Variants in WWOX observed in about 807,000 individuals in gnomAD.
WWOX encodes the protein WW domain containing oxidoreductase.
WWOX carries 69 observed loss-of-function variants against 46.2 expected under a neutral mutation model. That is an observed-to-expected ratio of 1.49 (90% CI 1.23 to 1.82). WWOX has a LOEUF of 1.82. WWOX is among the 40% of genes most tolerant of loss of function. WWOX has a pLI of 0.00. For missense variants in WWOX, 919 were observed against 542.6 expected (o/e 1.69, Z -6.89); for synonymous variants, 359 against 202.6 (o/e 1.77, Z -6.56).
intron 8 of WWOX, among the ~76,000 whole-genome samples, chr16:78,978,307 CAT>C (rs2046613309): frequency 6.6e-6 from 1 of 152,180 alleles, no homozygotes. Context: ...TGAATAATTG[CAT>C]ATGAGTATTT....
chr16:79,036,938 G>T (rs1033193293), intron 8 of WWOX, among the ~76,000 whole-genome samples: 3 of 152,178 alleles, frequency 2.0e-5, no homozygotes, highest in Non-Finnish European at 2.9e-5. Flanking sequence ...GTATTTCTCA[G>T]TGTGTTATCT....
At chr16:79,053,071 T>C (rs945298293) in intron 8 of WWOX, among the ~76,000 whole-genome samples, 6 of 151,840 alleles carry the variant, frequency 4.0e-5, no homozygotes, top group Admixed American at 1.3e-4. Flanking sequence ...TGCTCTTAGT[T>C]AAAGACCATG....
At chr16:78,271,502 T>A (rs2079477693) in intron 5 of WWOX, among the ~76,000 whole-genome samples, 1 of 152,150 alleles carries the variant, frequency 6.6e-6, no homozygotes. Flanking sequence ...CACGAGAGCT[T>A]CACAGCTCAG....
At chr16:78,746,543 A>G (rs1473816248) in intron 8 of WWOX, among the ~76,000 whole-genome samples, 1 of 151,870 alleles carries the variant, frequency 6.6e-6, no homozygotes, top group African/African-American at 2.4e-5. Context: ...CCATGGCCTC[A>G]TGAGCAGTGA....
intron 8 of WWOX, among the ~76,000 whole-genome samples, chr16:78,502,092 T>C (rs1371355684): frequency 2.6e-5 from 4 of 152,198 alleles, no homozygotes; most frequent in Admixed American, 2.6e-4. Flanking sequence ...TTCTTTATAC[T>C]TGTCTTCCTT....
chr16:78,950,409 T>G (rs987799492), intron 8 of WWOX, among the ~76,000 whole-genome samples: 3 of 151,990 alleles, frequency 2.0e-5, no homozygotes, highest in Non-Finnish European at 4.4e-5. Context: ...GGAAGGGGCT[T>G]TTTTGCCTTG....
At chr16:78,319,908 C>G (rs956356161) in intron 5 of WWOX, among the ~76,000 whole-genome samples, 1 of 152,220 alleles carries the variant, frequency 6.6e-6, no homozygotes, top group African/African-American at 2.4e-5. Flanking sequence ...GTTTTCCTGG[C>G]GAAATAGTCA....
chr16:78,596,303 G>A (rs1010306092), intron 8 of WWOX, among the ~76,000 whole-genome samples: 1 of 152,228 alleles, frequency 6.6e-6, no homozygotes, highest in South Asian at 2.1e-4. Flanking sequence ...TGTCTGGCTG[G>A]GTTCTGCTAG....
intron 8 of WWOX, among the ~76,000 whole-genome samples, chr16:78,446,866 C>T (rs1216921135): frequency 2.0e-5 from 3 of 151,882 alleles, no homozygotes; most frequent in African/African-American, 7.3e-5. Flanking sequence ...TTGCCATGTT[C>T]ACCAGGCTGG....
chr16:79,186,709 C>T (rs2051022593), intron 8 of WWOX, among the ~76,000 whole-genome samples: 1 of 152,064 alleles, frequency 6.6e-6, no homozygotes, highest in Non-Finnish European at 1.5e-5. Flanking sequence ...GTAAACAGTA[C>T]AGTTGCCATA....
intron 8 of WWOX, among the ~76,000 whole-genome samples, chr16:78,696,244 C>T (rs116677155): frequency 3.5e-3 from 530 of 152,292 alleles, no homozygotes; most frequent in African/African-American, 0.012. Flanking sequence ...ATACTAATAC[C>T]TGCCTTCCTG....
intron 8 of WWOX, among the ~76,000 whole-genome samples, chr16:79,194,819 G>A (rs1441601644): frequency 6.6e-6 from 1 of 152,144 alleles, no homozygotes; most frequent in Non-Finnish European, 1.5e-5. Context: ...TGGAGAGAGT[G>A]CATACAAAAA....
chr16:78,502,660 C>T (rs1186939284), intron 8 of WWOX, among the ~76,000 whole-genome samples: 1 of 152,178 alleles, frequency 6.6e-6, no homozygotes, highest in Non-Finnish European at 1.5e-5. Flanking sequence ...TCAGCATGGA[C>T]TTCTGTTTTC....
chr16:79,029,954 T>C (rs560356640), intron 8 of WWOX, among the ~76,000 whole-genome samples: 9 of 152,360 alleles, frequency 5.9e-5, no homozygotes, highest in African/African-American at 1.9e-4. Context: ...TTGTGTTTTA[T>C]AATTTCTTGA....
intron 8 of WWOX, among the ~76,000 whole-genome samples, chr16:78,702,190 G>C (rs1355504434): frequency 6.8e-6 from 1 of 148,110 alleles, no homozygotes; most frequent in Non-Finnish European, 1.5e-5. Context: ...CGAGGCAGGA[G>C]AGTCACTTAA....
intron 1 of WWOX, among the ~76,000 whole-genome samples, chr16:78,107,495 G>A (rs963009201): frequency 6.6e-6 from 1 of 152,154 alleles, no homozygotes; most frequent in East Asian, 1.9e-4. Context: ...ACCAGTGCTA[G>A]GATTATTTCC....
intron 8 of WWOX, among the ~76,000 whole-genome samples, chr16:79,093,857 A>T (rs73575144): frequency 1.7e-3 from 257 of 152,232 alleles, no homozygotes; most frequent in African/African-American, 5.4e-3. Context: ...GAACCGAGTG[A>T]CTCAGCCCAG....
chr16:79,098,487 G>A (rs569489785), intron 8 of WWOX, among the ~76,000 whole-genome samples: 1 of 152,226 alleles, frequency 6.6e-6, no homozygotes, highest in Non-Finnish European at 1.5e-5. Context: ...AAGGTCATTG[G>A]AATCTTCTTC....
intron 5 of WWOX, among the ~76,000 whole-genome samples, chr16:78,341,427 C>A (rs1359964245): frequency 1.6e-5 from 2 of 121,392 alleles, no homozygotes; most frequent in Admixed American, 1.6e-4. Flanking sequence ...GTATAATCCA[C>A]CATCTTTGTT....
Sources: allele counts gnomAD v4.1 joint callset (sites outside exome capture counted in the v4.1 genomes callset), GRCh38; gene constraint gnomAD v4.1.1; transcripts MANE v1.5; gene names NCBI Gene and HGNC (gene_info 2026-07-23, HGNC 2026-07-21).